HIVEP2: variants seen among roughly 807,000 people sequenced by gnomAD.
HIVEP2 encodes the protein HIVEP zinc finger 2, also known as transcription factor HIVEP2.
In HIVEP2, 14 loss-of-function variants were observed where a neutral mutation model predicts 180.7. The observed-to-expected ratio is 0.08, with a 90% CI of 0.05 to 0.12. The LOEUF is 0.12. Among genes scored for constraint, HIVEP2 ranks in the 10% least tolerant of loss-of-function variants. The probability of loss-of-function intolerance (pLI) is 1.00; values close to 1 mark genes in which losing one functional copy is unlikely to be tolerated. For synonymous variants in HIVEP2, 1,184 were observed against 1,136.4 expected, an observed-to-expected ratio of 1.04 and a Z score of -0.84; for missense variants, 2,579 against 3,008.5, an observed-to-expected ratio of 0.86 and a Z score of 3.34.
At chr6:142,792,659 T>C (rs557384390) in intron 2 of HIVEP2, among the ~76,000 whole-genome samples, 24 of 152,260 alleles carry the variant, frequency 1.6e-4, no homozygotes, top group African/African-American at 5.8e-4. Flanking sequence ...CAAACAACCA[T>C]GGCACATGCA....
Position 142,774,835 on chromosome 6 carries a change from A to G in HIVEP2, c.-97T>C. 1 of 1,525,728 alleles carries G rather than the reference A, an allele frequency of 6.6e-7. No homozygotes were observed. Among genetic ancestry groups the G allele is most frequent in the Non-Finnish European group, 8.8e-7 (1 of 1,141,720 alleles). 94.5% of individuals were successfully genotyped at this position (1,525,728 alleles called of 1,614,324 possible). ...TGCTTCTTAAAGCTTGGTTGCTTCC[A>G]TGTTCCAGGGTGTCTGCAAACTTGC... is the stretch of plus-strand genomic sequence containing the variant. On this transcript the variant is annotated 5_prime_UTR_variant, in exon 5 of 10. An upstream start codon of the reference 5' UTR is lost. Coordinates refer to ENST00000367603, the MANE Select transcript of HIVEP2 (RefSeq NM_006734.4). This position sits in a 1 kb window ranked among gnomAD's most constrained non-coding sequence, Gnocchi z 5.1.
chr6:142,768,561 T>C, intron 5 of HIVEP2, 25 bp from the exon 6 acceptor site: 5 of 1,608,822 alleles, frequency 3.1e-6, no homozygotes, highest in Non-Finnish European at 4.2e-6. Context: ...GAGAGAATCA[T>C]TTCACATGCT....
intron 1 of HIVEP2, among the ~76,000 whole-genome samples, chr6:142,935,502 G>A (rs1778031399): frequency 6.6e-6 from 1 of 152,114 alleles, no homozygotes; most frequent in South Asian, 2.1e-4. Flanking sequence ...TGGAGGCCCA[G>A]ATCGCACCAC....
chr6:142,826,713 T>C (rs1326483129), intron 2 of HIVEP2, among the ~76,000 whole-genome samples: 1 of 152,180 alleles, frequency 6.6e-6, no homozygotes, highest in Non-Finnish European at 1.5e-5. Flanking sequence ...GCTGAGCACA[T>C]TTTAGGGTTC....
At chr6:142,819,169 G>C (rs1304018515) in intron 2 of HIVEP2, among the ~76,000 whole-genome samples, 1 of 152,074 alleles carries the variant, frequency 6.6e-6, no homozygotes, top group Non-Finnish European at 1.5e-5. Context: ...AGGATGCAAT[G>C]AGCTATGATC....
At chr6:142,818,271 G>A (rs867734055) in intron 2 of HIVEP2, among the ~76,000 whole-genome samples, 2 of 152,288 alleles carry the variant, frequency 1.3e-5, no homozygotes, top group Middle Eastern at 3.4e-3. Context: ...AGGTGGAAAA[G>A]TGAAATAATC....
chr6:142,805,056 A>G (rs529665526), intron 2 of HIVEP2, among the ~76,000 whole-genome samples: 62 of 152,340 alleles, frequency 4.1e-4, no homozygotes, highest in African/African-American at 1.4e-3. Flanking sequence ...GCCACCCTAC[A>G]TAACGCCAGA....
chr6:142,916,007 C>A (rs1777541080), intron 1 of HIVEP2, among the ~76,000 whole-genome samples: 1 of 152,224 alleles, frequency 6.6e-6, no homozygotes, highest in South Asian at 2.1e-4. Flanking sequence ...GCAGACCACA[C>A]ACTTAGGACT....
At chr6:142,764,217 A>T (rs770175465) in intron 7 of HIVEP2, among the ~76,000 whole-genome samples, 94 of 152,036 alleles carry the variant, frequency 6.2e-4, no homozygotes, top group East Asian at 1.7e-3. Context: ...AACAGATTTT[A>T]AAAAAAAATT....
chr6:142,758,095 T>C (rs908511735), intron 9 of HIVEP2, among the ~76,000 whole-genome samples: 5 of 152,236 alleles, frequency 3.3e-5, no homozygotes, highest in African/African-American at 1.2e-4. Flanking sequence ...TGGTATCCCA[T>C]GATCCAGGAG....
chr6:142,850,961 T>A (rs1427271831), intron 1 of HIVEP2, among the ~76,000 whole-genome samples: 1 of 152,238 alleles, frequency 6.6e-6, no homozygotes, highest in Non-Finnish European at 1.5e-5. Context: ...TGGTTTGTGT[T>A]GTATGATCAT....
chr6:142,819,579 G>C (rs967304763), intron 2 of HIVEP2, among the ~76,000 whole-genome samples: 1 of 152,200 alleles, frequency 6.6e-6, no homozygotes, highest in Non-Finnish European at 1.5e-5. Context: ...AGACACCGAA[G>C]TGACCCTTTC....
rs1324966396 is a variant in HIVEP2, at chr6:142,773,097, T to A, written c.1642A>T (p.Thr548Ser). The A allele has an allele frequency of 1.2e-6, 2 of 1,614,236 alleles. No homozygotes were observed. The highest frequency in any genetic ancestry group is 1.7e-6 in the Non-Finnish European group (2 of 1,180,038). Reference protein sequence around the residue: ...SPLIRSNSVPTSSATNLTIPP... With the variant: ...SPLIRSNSVPSSSATNLTIPP... ...ATAGTTAGATTAGTTGCTGAAGAAG[T>A]TGGCACTGAGTTGCTTCTAATAAGG... is the stretch of plus-strand genomic sequence containing the variant. Residue 548 changes from threonine to serine, a missense_variant, in exon 5 of 10, where the codon ACT (threonine) becomes TCT (serine). Transcript: ENST00000367603.
intron 1 of HIVEP2, among the ~76,000 whole-genome samples, chr6:142,881,923 A>G (rs777761733): frequency 3.9e-5 from 6 of 152,220 alleles, no homozygotes; most frequent in Admixed American, 6.5e-5. Context: ...ACTGATGGCC[A>G]CTGCCAACCT....
At position 142,774,765 on chromosome 6, in the gene HIVEP2, G is replaced by A. The variant is rs753032272; in HGVS notation, c.-27C>T. The A allele has an allele frequency of 6.2e-7, 1 of 1,605,444 alleles. No individual in the cohort carries two copies. Among genetic ancestry groups the A allele is most frequent in the African/African-American group, 1.3e-5 (1 of 74,718 alleles). ...TTGTTACACAAGGTCTTAAGTGCTA[G>A]TTCCCCTGAAAGCAGTGCAGACTCA... On this transcript the variant is annotated 5_prime_UTR_variant, in exon 5 of 10. Transcript: ENST00000367603. The surrounding 1 kb of genome is among the most constrained non-coding windows in gnomAD (Gnocchi z 5.1).
intron 9 of HIVEP2, among the ~76,000 whole-genome samples, chr6:142,755,682 G>T (rs896080070): frequency 1.3e-5 from 2 of 152,144 alleles, no homozygotes; most frequent in African/African-American, 4.8e-5. Flanking sequence ...GCTGACAAAT[G>T]GAGTCATGAA....
chr6:142,846,174 C>A (rs974268923), intron 1 of HIVEP2, among the ~76,000 whole-genome samples: 4 of 151,998 alleles, frequency 2.6e-5, no homozygotes, highest in African/African-American at 9.7e-5. Flanking sequence ...AGGACAATAG[C>A]AAACTGGGAC....
intron 1 of HIVEP2, among the ~76,000 whole-genome samples, chr6:142,910,418 T>C (rs750271201): frequency 4.6e-5 from 7 of 152,048 alleles, no homozygotes; most frequent in Non-Finnish European, 7.4e-5. Flanking sequence ...CTGGCCAACA[T>C]GGTGAAACCC....
rs556502421 is a variant in HIVEP2 at position 142,936,147 on chromosome 6, A to AT, written c.-641+8951dup. Among the ~76,000 whole-genome samples, 27 of 151,222 alleles carry AT rather than the reference A, an allele frequency of 1.8e-4. No homozygotes were observed. In the South Asian group the frequency reaches 4.2e-3, roughly 24 times the overall value. ...AAAAAGGATGTGTCATTTGTAAACC[A>AT]TTTTTTTCTTGCCCATAATAAAACA... On this transcript the variant is annotated intron_variant, in intron 1 of 9. Coordinates refer to ENST00000367603, the MANE Select transcript of HIVEP2 (RefSeq NM_006734.4).
Sources: gnomAD v4.1 joint callset for allele counts (sites outside exome capture counted in the v4.1 genomes callset) on GRCh38, gnomAD v4.1.1 for gene constraint, Gnocchi (gnomAD v3.1) non-coding constraint, MANE v1.5 for transcripts, NCBI Gene and HGNC (gene_info 2026-07-23, HGNC 2026-07-21) for gene names.